The following CHRDL2 variants were observed in gnomAD, a reference collection of about 807,000 sequenced individuals.
CHRDL2 encodes the protein chordin-like protein 2.
Under a neutral mutation model 54.3 loss-of-function variants are expected in CHRDL2, and 41 were observed. The ratio of observed to expected loss-of-function variants is 0.76; its 90% confidence interval spans 0.59 to 0.98. The LOEUF is 0.98. Ranked by LOEUF, CHRDL2 falls within the 50% of genes least tolerant of loss-of-function variation. CHRDL2 has a pLI of 0.00. For synonymous variants in CHRDL2, 220 were observed against 224.3 expected (o/e 0.98, Z 0.17); for missense variants, 518 against 562.4 (o/e 0.92, Z 0.80).
intron 9 of CHRDL2, chr11:74,701,703 T>C (rs1296709748): frequency 1.5e-6 from 1 of 669,832 alleles, no homozygotes; most frequent in Middle Eastern, 3.2e-4. Context: ...TCAAATGAGA[T>C]AGTGAATGTG....
At chr11:74,701,685 G>A (rs370080556) in intron 9 of CHRDL2, 267 of 694,234 alleles carry the variant, frequency 3.8e-4, no homozygotes, top group South Asian at 1.3e-3. Flanking sequence ...TCTCAGGATC[G>A]TTGAGGATCA....
intron 9 of CHRDL2, chr11:74,697,671 T>C (rs2033647949): frequency 2.2e-6 from 1 of 456,170 alleles, no homozygotes; most frequent in Non-Finnish European, 4.4e-6. Flanking sequence ...CTGTTCTCTT[T>C]GCTGATCCTG....
At chr11:74,697,183 A>G (rs1483689274) in intron 10 of CHRDL2, 22 bp downstream of exon 10, 3 of 1,598,946 alleles carry the variant, frequency 1.9e-6, no homozygotes, top group Non-Finnish European at 2.6e-6. Context: ...CCCCGGCCCC[A>G]TTCCTCAGCC....
intron 2 of CHRDL2, among the ~76,000 whole-genome samples, chr11:74,716,556 AAAAG>A (rs1554986943): frequency 7.1e-6 from 1 of 139,994 alleles, no homozygotes. Flanking sequence ...AAAAAAAAAA[AAAAG>A]AAAGAAAAGA....
rs148864480 is a variant in CHRDL2, at chr11:74,704,861, G to T, written c.583-207C>A. On this transcript the variant is annotated intron_variant, in intron 6 of 10. Transcript: ENST00000376332. ...GTTCGATCTTTGAAAACTCTCAGAG[G>T]ATAGTGATTTGGAAATCTGGCCTCC... is the stretch of plus-strand genomic sequence containing the variant. 6 of 583,656 alleles carry T rather than the reference G, an allele frequency of 1.0e-5. No homozygotes were observed. The Admixed American group carries it at 1.1e-4, about 10-fold the overall frequency. 36.2% of individuals were successfully genotyped at this position (583,656 alleles called of 1,614,324 possible).
chr11:74,708,200 T>C (rs938864765), intron 5 of CHRDL2, 102 bp downstream of exon 5: 2 of 759,038 alleles, frequency 2.6e-6, no homozygotes, highest in Non-Finnish European at 4.0e-6. Flanking sequence ...GTCTGCTACA[T>C]GCTGGGTGTC....
rs2033864915 is a variant in CHRDL2 at position 74,702,800 on chromosome 11, C to G, written c.1114G>C (p.Val372Leu). Residue 372 changes from valine (V) to leucine (L), a missense_variant, in exon 9 of 11, where the codon GTA becomes CTA. Transcript: ENST00000376332. ...DLVEIYLWKL[V>L]KGIFHLTQIK... ...GGAGTGGGCCAGCACTCACCTTTTA[C>G]CAGCTTCCAGAGGTAGATCTCCACC... 3 of 1,614,042 alleles carry G rather than the reference C, an allele frequency of 1.9e-6. No homozygotes were observed. The highest frequency in any genetic ancestry group is 2.5e-6 in the Non-Finnish European group (3 of 1,179,998).
In CHRDL2 at chr11:74,708,308, A is replaced by T. The variant is rs747621089; in HGVS notation, c.520T>A (p.Cys174Ser). Residue 174 changes from cysteine to serine, a missense_variant, in exon 5 of 11, where the codon TGC becomes AGC. Cys to Ser is a moderately radical substitution (Grantham distance 112). Transcript: ENST00000376332. ...GATGGAGGGACAGACTCACCTTTGC[A>T]GGCCTGGCAGCAGGAGTCTGGCAGC... ...LPLPDSCCQA[C>S]KDEASEQSDE... The T allele has an allele frequency of 1.9e-6, 3 of 1,575,784 alleles. No homozygotes were observed. The highest frequency in any genetic ancestry group is 2.6e-6 in the Non-Finnish European group (3 of 1,165,172).
intron 2 of CHRDL2, among the ~76,000 whole-genome samples, chr11:74,714,958 G>GT (rs772808305): frequency 3.0e-4 from 45 of 152,212 alleles, no homozygotes; most frequent in Non-Finnish European, 5.1e-4. Context: ...CATTTATTGA[G>GT]TGGCTACTGA....
intron 9 of CHRDL2, among the ~76,000 whole-genome samples, chr11:74,700,649 T>TATTA (rs1565147117): frequency 8.5e-5 from 12 of 141,362 alleles, no homozygotes; most frequent in South Asian, 2.3e-4. Flanking sequence ...TATTATTTTT[T>TATTA]TTTTTTTGAG....
chr11:74,718,721 T>TA lies in CHRDL2; in HGVS notation c.193_194insT (p.Glu65ValfsTer64). 3.1e-6 allele frequency: 5 copies of TA among 1,609,422 alleles called. No homozygotes were observed. Among genetic ancestry groups the TA allele is most frequent in the Non-Finnish European group, 4.3e-6 (5 of 1,176,460 alleles). ...GGTCAGGTGGCCAGAGGAACCTACCTCTGAGCAGGTACAGCGCAGGCAGTA... is the reference window on the plus strand; with the variant it reads ...GGTCAGGTGGCCAGAGGAACCTACCTACTGAGCAGGTACAGCGCAGGCAGTA... On this transcript the variant is annotated frameshift_variant and splice_region_variant, in exon 2 of 11. Coordinates refer to ENST00000376332, the MANE Select transcript of CHRDL2 (RefSeq NM_001278473.3). LOFTEE classifies it high-confidence loss of function.
chr11:74,712,735 C>T (rs948432949), intron 3 of CHRDL2, among the ~76,000 whole-genome samples: 42 of 152,156 alleles, frequency 2.8e-4, no homozygotes, highest in Non-Finnish European at 3.5e-4. Context: ...CTCTCAACCT[C>T]CCCTCCCACC....
At chr11:74,703,017 T>C in intron 8 of CHRDL2, 50 bp from the exon 9 acceptor site, 1 of 1,495,968 alleles carries the variant, frequency 6.7e-7, no homozygotes, top group Non-Finnish European at 9.0e-7. Context: ...TGGCTGTACC[T>C]CTTCAAAGCT....
rs1217821912 is a variant in CHRDL2 at position 74,702,879 on chromosome 11, G to C, written c.1035C>G (p.Ser345=). Residue 345 remains serine (S), a synonymous_variant, in exon 9 of 11, where the codon TCC becomes TCG. Coordinates refer to ENST00000376332, the MANE Select transcript of CHRDL2 (RefSeq NM_001278473.3). ...PGRVLVHTSV[S]PSPDNLRRFA... ...AGCGACGCAGGTTGTCTGGGCTTGG[G>C]GATACCGATGTGTGGACGAGGACCC... 1.2e-6 allele frequency: 2 copies of C among 1,614,152 alleles called. No individual in the cohort carries two copies. The highest frequency in any genetic ancestry group is 3.3e-5 in the Admixed American group (2 of 60,024).
At chr11:74,717,355 T>C (rs2034388813) in intron 2 of CHRDL2, among the ~76,000 whole-genome samples, 1 of 152,172 alleles carries the variant, frequency 6.6e-6, no homozygotes, top group East Asian at 1.9e-4. Flanking sequence ...ATGAATTAAC[T>C]CCAATGGCTC....
At chr11:74,703,022 A>T (rs1041868921) in intron 8 of CHRDL2, 55 bp from the exon 9 acceptor site, 3 of 1,493,960 alleles carry the variant, frequency 2.0e-6, no homozygotes, top group African/African-American at 2.8e-5. Flanking sequence ...GTACCTCTTC[A>T]AAGCTCTAAT....
At chr11:74,715,702 G>A (rs1344506805) in intron 2 of CHRDL2, among the ~76,000 whole-genome samples, 1 of 151,054 alleles carries the variant, frequency 6.6e-6, no homozygotes, top group Non-Finnish European at 1.5e-5. Context: ...TAGAGGGCCT[G>A]GCGTGGTGGC....
intron 5 of CHRDL2, among the ~76,000 whole-genome samples, chr11:74,707,625 G>A (rs1340758840): frequency 1.3e-5 from 2 of 151,996 alleles, no homozygotes; most frequent in African/African-American, 2.4e-5. Context: ...CCCCTCTCAC[G>A]TGCCACTTAT....
chr11:74,725,396 C>A (rs1168726601), intron 1 of CHRDL2, among the ~76,000 whole-genome samples: 1 of 152,168 alleles, frequency 6.6e-6, no homozygotes, highest in Non-Finnish European at 1.5e-5. Context: ...TAGCTTCTGA[C>A]AACCCCCACT....
Sources: allele counts gnomAD v4.1 joint callset (sites outside exome capture counted in the v4.1 genomes callset), GRCh38; gene constraint gnomAD v4.1.1; transcripts MANE v1.5; gene names NCBI Gene and HGNC (gene_info 2026-07-23, HGNC 2026-07-21).